Variants in CSMD1 observed in about 807,000 individuals in gnomAD.
CSMD1 encodes CUB and Sushi multiple domains 1, also known as CUB and sushi domain-containing protein 1.
In CSMD1, 213 loss-of-function variants were observed where a neutral mutation model predicts 417.5. The ratio of observed to expected loss-of-function variants is 0.51; its 90% confidence interval spans 0.46 to 0.57. The LOEUF (loss-of-function observed/expected upper bound fraction) is 0.57, where lower values mean the gene tolerates loss of function less well. CSMD1 is among the 20% of genes least tolerant of loss of function. The pLI is 0.00. For missense variants in CSMD1, 6,923 were observed against 4,529.7 expected (o/e 1.53, Z -15.17); for synonymous variants, 2,862 against 1,736.8 (o/e 1.65, Z -16.11).
At chr8:4,170,086 A>T (rs1015022677) in intron 3 of CSMD1, among the ~76,000 whole-genome samples, 1 of 151,866 alleles carries the variant, frequency 6.6e-6, no homozygotes, top group Admixed American at 6.5e-5. Context: ...TGAGTCAAAG[A>T]TTAAAAATAT....
At chr8:3,125,745 G>C (rs575391001) in intron 41 of CSMD1, among the ~76,000 whole-genome samples, 1 of 152,218 alleles carries the variant, frequency 6.6e-6, no homozygotes, top group Non-Finnish European at 1.5e-5. Context: ...GGGAGGCCGA[G>C]GTGGGCAGAT....
At chr8:3,286,416 T>G (rs1003474323) in intron 25 of CSMD1, among the ~76,000 whole-genome samples, 3 of 152,168 alleles carry the variant, frequency 2.0e-5, no homozygotes, top group East Asian at 1.9e-4. Context: ...ACTTCCACAA[T>G]GGTTGAACTA....
At chr8:3,293,726 GT>G (rs1803753840) in intron 25 of CSMD1, among the ~76,000 whole-genome samples, 1 of 151,092 alleles carries the variant, frequency 6.6e-6, no homozygotes, top group Admixed American at 6.6e-5. Flanking sequence ...TTAGCCATTC[GT>G]TTAATTTTTT....
At chr8:3,350,172 C>A (rs1457040397) in intron 21 of CSMD1, among the ~76,000 whole-genome samples, 1 of 119,570 alleles carries the variant, frequency 8.4e-6, no homozygotes, top group Non-Finnish European at 1.7e-5. Context: ...TGTTATAATA[C>A]CTATAATAAC....
At position 4,128,476 on chromosome 8, in the gene CSMD1, G is replaced by A. The variant is rs187535832; in HGVS notation, c.416-96377C>T. On this transcript the variant is annotated intron_variant, in intron 3 of 69. Coordinates refer to ENST00000635120, the MANE Select transcript of CSMD1 (RefSeq NM_033225.6). ...TATGCCATTCCACATGCTCTCCAAG[G>A]TTTAAAATTTAAAACAACCAAACAA... 8.5e-5 allele frequency among the ~76,000 whole-genome samples: 13 copies of A among 152,226 alleles called. 1 individual carries two copies. The highest frequency in any genetic ancestry group is 7.2e-4 in the Admixed American group (11 of 15,286).
Position 4,429,400 on chromosome 8 carries a change from G to C in CSMD1, c.303-9335C>G, listed in dbSNP as rs535973664. 2.6e-5 allele frequency among the ~76,000 whole-genome samples: 4 copies of C among 152,084 alleles called. No individual in the cohort carries two copies. The South Asian group carries it at 8.3e-4, about 32-fold the overall frequency. ...ACATCTACATATACAAACTATATCG[G>C]ACAAAGAAAAAGCATCCTCCTTTCA... On this transcript the variant is annotated intron_variant, in intron 2 of 69. Coordinates refer to ENST00000635120, the MANE Select transcript of CSMD1 (RefSeq NM_033225.6).
chr8:4,418,536 T>C (rs140770638), intron 3 of CSMD1, among the ~76,000 whole-genome samples: 75 of 152,256 alleles, frequency 4.9e-4, no homozygotes, highest in African/African-American at 1.6e-3. Context: ...AAATGCCAAG[T>C]TTTCTAAAAT....
At chr8:4,813,534 G>A (rs935264114) in intron 1 of CSMD1, among the ~76,000 whole-genome samples, 2 of 152,152 alleles carry the variant, frequency 1.3e-5, no homozygotes, top group African/African-American at 4.8e-5. Context: ...GCAAACACCA[G>A]TGAATGTGTT....
At chr8:4,721,598 A>C (rs1235423813) in intron 1 of CSMD1, among the ~76,000 whole-genome samples, 1 of 152,222 alleles carries the variant, frequency 6.6e-6, no homozygotes, top group Non-Finnish European at 1.5e-5. Context: ...ACTGCTGTGC[A>C]CTGTTTGTGT....
At chr8:4,611,347 A>G (rs538573200) in intron 2 of CSMD1, among the ~76,000 whole-genome samples, 11 of 152,290 alleles carry the variant, frequency 7.2e-5, no homozygotes, top group Non-Finnish European at 1.0e-4. Context: ...AGCTCACTTC[A>G]TGGTTATCCG....
At chr8:3,286,604 T>G (rs1393763234) in intron 25 of CSMD1, among the ~76,000 whole-genome samples, 1 of 152,032 alleles carries the variant, frequency 6.6e-6, no homozygotes, top group Non-Finnish European at 1.5e-5. Context: ...TTCATATGTT[T>G]TTTGGCTGCA....
chr8:4,193,672 A>C (rs758054138), intron 3 of CSMD1, among the ~76,000 whole-genome samples: 1 of 152,174 alleles, frequency 6.6e-6, no homozygotes, highest in Admixed American at 6.5e-5. Flanking sequence ...AACACGGCAA[A>C]CCACAGCTCA....
intron 1 of CSMD1, chr8:4,787,716 T>G: frequency 6.3e-7 from 1 of 1,591,334 alleles, no homozygotes; most frequent in Admixed American, 1.7e-5. Context: ...ATGCTGCCAA[T>G]AATGACCCAC....
intron 1 of CSMD1, among the ~76,000 whole-genome samples, chr8:4,776,043 A>C (rs1165800810): frequency 1.3e-5 from 2 of 152,124 alleles, no homozygotes; most frequent in Admixed American, 6.5e-5. Context: ...GACAAATTAC[A>C]GATGTGATGA....
intron 3 of CSMD1, among the ~76,000 whole-genome samples, chr8:4,280,915 T>G (rs535103479): frequency 6.6e-6 from 1 of 152,214 alleles, no homozygotes; most frequent in Non-Finnish European, 1.5e-5. Flanking sequence ...GAAGTTGCAA[T>G]TGCAAAAGTA....
At chr8:4,923,521 T>G (rs1206597539) in intron 1 of CSMD1, among the ~76,000 whole-genome samples, 1 of 135,106 alleles carries the variant, frequency 7.4e-6, no homozygotes, top group Non-Finnish European at 1.7e-5. Flanking sequence ...AACACACATA[T>G]ATATTCATAT....
intron 7 of CSMD1, among the ~76,000 whole-genome samples, chr8:3,659,554 G>A (rs1278253268): frequency 1.3e-5 from 2 of 151,898 alleles, no homozygotes; most frequent in African/African-American, 4.8e-5. Context: ...TCTTTTTTTC[G>A]GGGGGTTATC....
intron 18 of CSMD1, among the ~76,000 whole-genome samples, chr8:3,384,720 A>ATAT (rs1554533456): frequency 8.5e-6 from 1 of 118,286 alleles, no homozygotes; most frequent in African/African-American, 3.4e-5. Context: ...ATATATTTAT[A>ATAT]ATATTTATAT....
chr8:4,528,962 G>A (rs1339873888), intron 2 of CSMD1, among the ~76,000 whole-genome samples: 7 of 152,152 alleles, frequency 4.6e-5, no homozygotes, highest in African/African-American at 1.4e-4. Context: ...CTGTATTTTT[G>A]TTAGGTCTTT....
Sources: allele counts gnomAD v4.1 joint callset (sites outside exome capture counted in the v4.1 genomes callset), GRCh38; gene constraint gnomAD v4.1.1; transcripts MANE v1.5; gene names NCBI Gene and HGNC (gene_info 2026-07-23, HGNC 2026-07-21).